CNNM1: variants seen among roughly 807,000 people sequenced by gnomAD.
CNNM1 encodes metal transporter CNNM1.
A neutral mutation model predicts 78.8 loss-of-function variants in CNNM1; 44 were observed. That is an observed-to-expected ratio of 0.56 (90% CI 0.44 to 0.72). The LOEUF (loss-of-function observed/expected upper bound fraction) is 0.72, where lower values mean the gene tolerates loss of function less well. Ranked by LOEUF, CNNM1 falls within the 30% of genes least tolerant of loss-of-function variation. CNNM1 has a pLI of 0.00. For synonymous variants in CNNM1, 584 were observed against 581.5 expected (o/e 1.00, Z -0.06); for missense variants, 1,101 against 1,292.2 (o/e 0.85, Z 2.27).
At chr10:99,358,818 G>A (rs2031321240) in intron 2 of CNNM1, among the ~76,000 whole-genome samples, 1 of 151,900 alleles carries the variant, frequency 6.6e-6, no homozygotes, top group South Asian at 2.1e-4. Flanking sequence ...GGGCAACATG[G>A]TGAAACCCCA....
At chr10:99,378,236 ACAGG>A (rs1254749451) in intron 7 of CNNM1, among the ~76,000 whole-genome samples, 4 of 152,194 alleles carry the variant, frequency 2.6e-5, no homozygotes, top group Non-Finnish European at 5.9e-5. Context: ...TGCTGGGATT[ACAGG>A]CGTGAGCCAC....
At chr10:99,379,028 TC>T (rs1477376451) in intron 7 of CNNM1, among the ~76,000 whole-genome samples, 1 of 152,226 alleles carries the variant, frequency 6.6e-6, no homozygotes, top group Non-Finnish European at 1.5e-5. Flanking sequence ...CCAGAAGCCT[TC>T]TCATTGCTAA....
At chr10:99,365,040 C>G in intron 6 of CNNM1, 38 bp downstream of exon 6, 10 of 1,610,460 alleles carry the variant, frequency 6.2e-6, no homozygotes, top group Non-Finnish European at 8.5e-6. Flanking sequence ...TCCTCCCCAT[C>G]GTAGTCCTGC....
At chr10:99,336,550 T>A (rs1184569186) in intron 1 of CNNM1, among the ~76,000 whole-genome samples, 2 of 152,258 alleles carry the variant, frequency 1.3e-5, no homozygotes, top group Non-Finnish European at 2.9e-5. Context: ...GGTTATTCAC[T>A]GATTTTATTC....
At chr10:99,375,889 T>G (rs2031946063) in intron 6 of CNNM1, among the ~76,000 whole-genome samples, 1 of 152,044 alleles carries the variant, frequency 6.6e-6, no homozygotes, top group Non-Finnish European at 1.5e-5. Context: ...GTTCCACGGT[T>G]GAGATGATGT....
chr10:99,352,624 G>A (rs2030989098), intron 1 of CNNM1, among the ~76,000 whole-genome samples: 1 of 152,132 alleles, frequency 6.6e-6, no homozygotes, highest in African/African-American at 2.4e-5. Flanking sequence ...ACAATGTTAA[G>A]CATCTTTTCA....
intron 1 of CNNM1, among the ~76,000 whole-genome samples, chr10:99,349,327 G>A (rs2030838610): frequency 6.6e-6 from 1 of 152,124 alleles, no homozygotes; most frequent in South Asian, 2.1e-4. Context: ...ACAGGCATCA[G>A]TATGTAACTC....
chr10:99,341,663 G>A (rs2030464760), intron 1 of CNNM1, among the ~76,000 whole-genome samples: 1 of 152,148 alleles, frequency 6.6e-6, no homozygotes, highest in Non-Finnish European at 1.5e-5. Flanking sequence ...TGAGGCAGGA[G>A]TTTGAGCTGA....
chr10:99,354,154 G>A (rs1223452046), intron 1 of CNNM1, among the ~76,000 whole-genome samples: 2 of 152,136 alleles, frequency 1.3e-5, no homozygotes, highest in Non-Finnish European at 2.9e-5. Context: ...TCATCTGCTA[G>A]CACATATTAG....
chr10:99,376,928 G>A (rs992416483), intron 6 of CNNM1, 127 bp from the exon 7 acceptor site: 56 of 879,006 alleles, frequency 6.4e-5, no homozygotes, highest in East Asian at 2.9e-4. Context: ...TGTTACCATC[G>A]CCTGAAAGTC....
In CNNM1 at chr10:99,329,857, C is replaced by T; in HGVS notation, c.470C>T (p.Ser157Leu). 1 of 1,409,566 alleles carries T rather than the reference C, an allele frequency of 7.1e-7. No individual in the cohort carries two copies. The highest frequency in any genetic ancestry group is 1.6e-5 in the South Asian group (1 of 63,820). The allele number at this position is 1,409,566 out of a possible 1,614,324, so 87.3% of individuals were successfully genotyped here. The change falls in exon 1 of 11, where the codon TCG (serine) becomes TTG (leucine). Residue 157 changes from serine (S) to leucine (L), a missense_variant. Ser to Leu is a moderately radical substitution (Grantham distance 145, BLOSUM62 -2). Coordinates refer to ENST00000356713, the MANE Select transcript of CNNM1 (RefSeq NM_020348.3). Reference sequence around the variant, plus strand: ...TTGCGTCCCGGGGGCGTGGCAGGCTCGGCCCTGGTCCAGGTGCGAGTGCGG... The same window carrying T: ...TTGCGTCCCGGGGGCGTGGCAGGCTTGGCCCTGGTCCAGGTGCGAGTGCGG... ...GPLRPGGVAG[S>L]ALVQVRVREL...
chr10:99,382,125 G>A (rs890879388), intron 7 of CNNM1, among the ~76,000 whole-genome samples: 2 of 152,108 alleles, frequency 1.3e-5, no homozygotes, highest in Non-Finnish European at 2.9e-5. Flanking sequence ...GTTTCTCAAG[G>A]GCTTTTTATA....
chr10:99,387,739 T>C (rs903428211), intron 7 of CNNM1, 81 bp from the exon 8 acceptor site: 2 of 1,393,032 alleles, frequency 1.4e-6, no homozygotes, highest in Admixed American at 2.7e-5. Flanking sequence ...CCAGCGAGGC[T>C]GCCCCCGAGC....
At position 99,344,018 on chromosome 10, in the gene CNNM1, C is replaced by T. The variant is rs182201821; in HGVS notation, c.1573+13058C>T. 3.2e-3 allele frequency among the ~76,000 whole-genome samples: 481 copies of T among 150,420 alleles called. 1 individual carries two copies. Among genetic ancestry groups the T allele is most frequent in the Non-Finnish European group, 5.2e-3 (354 of 67,444 alleles). On this transcript the variant is annotated intron_variant, in intron 1 of 10. Transcript: ENST00000356713. ...GATTACAGGCATAAACCACTGTGCC[C>T]GGCCTATTCCCCTTTTAAGAAGATG... is the stretch of plus-strand genomic sequence containing the variant.
intron 1 of CNNM1, among the ~76,000 whole-genome samples, chr10:99,347,983 C>T (rs1321081957): frequency 6.6e-6 from 1 of 151,734 alleles, no homozygotes; most frequent in African/African-American, 2.4e-5. Flanking sequence ...TCGCTTTCCC[C>T]TTAGCAGTGT....
chr10:99,370,089 A>G (rs1047344106), intron 6 of CNNM1, among the ~76,000 whole-genome samples: 17 of 152,158 alleles, frequency 1.1e-4, no homozygotes, highest in African/African-American at 9.7e-5. Context: ...ATTCTAGTTC[A>G]TCTGTATTGA....
chr10:99,352,169 C>T (rs1380162118), intron 1 of CNNM1, among the ~76,000 whole-genome samples: 1 of 152,190 alleles, frequency 6.6e-6, no homozygotes, highest in Admixed American at 6.5e-5. Flanking sequence ...CCATGATCTA[C>T]TTCTTCCCCT....
chr10:99,367,660 G>A (rs536384147), intron 6 of CNNM1, among the ~76,000 whole-genome samples: 3 of 152,312 alleles, frequency 2.0e-5, no homozygotes, highest in East Asian at 3.9e-4. Flanking sequence ...AACATCTCAT[G>A]TCAGAGCAAA....
chr10:99,331,102 C>A (rs370359169), intron 1 of CNNM1, 142 bp downstream of exon 1: 1 of 795,256 alleles, frequency 1.3e-6, no homozygotes, highest in East Asian at 2.6e-5. Flanking sequence ...CCTCTTGGCT[C>A]CCTGGCTATT....
Sources: gnomAD v4.1 joint callset for allele counts (sites outside exome capture counted in the v4.1 genomes callset) on GRCh38, gnomAD v4.1.1 for gene constraint, MANE v1.5 for transcripts, NCBI Gene and HGNC (gene_info 2026-07-23, HGNC 2026-07-21) for gene names.